Variants in CNTNAP2 observed in about 807,000 individuals in gnomAD.
CNTNAP2 encodes contactin associated protein 2.
In CNTNAP2, 98 loss-of-function variants were observed where a neutral mutation model predicts 155.2. The observed-to-expected ratio is 0.63, with a 90% confidence interval of 0.54 to 0.75. The LOEUF (loss-of-function observed/expected upper bound fraction) is 0.75. Among genes scored for constraint, CNTNAP2 ranks in the 30% least tolerant of loss-of-function variants. The pLI is 0.00. For synonymous variants in CNTNAP2, 651 were observed against 631.2 expected (o/e 1.03, Z -0.47); for missense variants, 1,727 against 1,688.1 (o/e 1.02, Z -0.40).
intron 3 of CNTNAP2, among the ~76,000 whole-genome samples, chr7:146,895,482 T>TA (rs1420524215): frequency 6.6e-6 from 1 of 152,080 alleles, no homozygotes; most frequent in Non-Finnish European, 1.5e-5. Context: ...TGTGTGTGAG[T>TA]ACAATAAAAT....
intron 1 of CNTNAP2, among the ~76,000 whole-genome samples, chr7:146,385,688 G>C (rs1443171054): frequency 2.0e-5 from 3 of 152,170 alleles, no homozygotes; most frequent in Non-Finnish European, 4.4e-5. Flanking sequence ...AATGGCTGGA[G>C]ATTGACTGAT....
At chr7:146,799,466 G>A (rs764224152) in intron 2 of CNTNAP2, among the ~76,000 whole-genome samples, 1 of 152,136 alleles carries the variant, frequency 6.6e-6, no homozygotes, top group Non-Finnish European at 1.5e-5. Context: ...ATTTTCATCT[G>A]CAGTTTCTTT....
intron 3 of CNTNAP2, among the ~76,000 whole-genome samples, chr7:146,970,632 C>G (rs1360934834): frequency 6.6e-6 from 1 of 151,928 alleles, no homozygotes; most frequent in Admixed American, 6.6e-5. Flanking sequence ...ACTAGTTCAA[C>G]CATTGTGGAA....
At chr7:147,386,239 C>T (rs1040658728) in intron 9 of CNTNAP2, among the ~76,000 whole-genome samples, 1 of 152,116 alleles carries the variant, frequency 6.6e-6, no homozygotes, top group Non-Finnish European at 1.5e-5. Context: ...TTCTGACATG[C>T]CCTGGAGACA....
At chr7:148,130,207 C>G (rs1368208762) in intron 16 of CNTNAP2, among the ~76,000 whole-genome samples, 3 of 152,212 alleles carry the variant, frequency 2.0e-5, no homozygotes, top group Non-Finnish European at 4.4e-5. Context: ...ACTAACCTCC[C>G]CATAGGGGAT....
At chr7:148,099,085 T>G (rs1220599588) in intron 15 of CNTNAP2, among the ~76,000 whole-genome samples, 1 of 152,196 alleles carries the variant, frequency 6.6e-6, no homozygotes, top group Non-Finnish European at 1.5e-5. Flanking sequence ...TTCTTTTGTG[T>G]GTGGAAAGAG....
intron 1 of CNTNAP2, among the ~76,000 whole-genome samples, chr7:146,373,175 C>G (rs759323273): frequency 6.6e-6 from 1 of 152,168 alleles, no homozygotes; most frequent in Admixed American, 6.5e-5. Context: ...TAACTGCAGA[C>G]ATTTGGGGAT....
At chr7:146,866,722 T>C (rs1343666468) in intron 3 of CNTNAP2, among the ~76,000 whole-genome samples, 2 of 152,250 alleles carry the variant, frequency 1.3e-5, no homozygotes, top group African/African-American at 4.8e-5. Context: ...CTTTCTTAAA[T>C]ATGTCTTGAA....
chr7:148,252,141 C>T (rs1189604333), intron 20 of CNTNAP2, among the ~76,000 whole-genome samples: 2 of 152,162 alleles, frequency 1.3e-5, no homozygotes, highest in African/African-American at 4.8e-5. Flanking sequence ...CAGTTTCTTC[C>T]TACATTTAGG....
intron 21 of CNTNAP2, among the ~76,000 whole-genome samples, chr7:148,289,717 C>T (rs1797156988): frequency 6.6e-6 from 1 of 152,182 alleles, no homozygotes; most frequent in African/African-American, 2.4e-5. Flanking sequence ...CTTCCACAGG[C>T]CAGCTCTCTT....
chr7:146,304,642 G>A (rs1317416114), intron 1 of CNTNAP2, among the ~76,000 whole-genome samples: 1 of 152,164 alleles, frequency 6.6e-6, no homozygotes, highest in Admixed American at 6.5e-5. Flanking sequence ...GAGATCTGCT[G>A]TTAGTCTCAT....
At chr7:147,301,032 A>C (rs560462045) in intron 9 of CNTNAP2, among the ~76,000 whole-genome samples, 2 of 152,236 alleles carry the variant, frequency 1.3e-5, no homozygotes, top group African/African-American at 4.8e-5. Flanking sequence ...ATTATTTTCA[A>C]CCTGTGGGAA....
At chr7:146,623,600 C>T (rs942179452) in intron 1 of CNTNAP2, among the ~76,000 whole-genome samples, 2 of 152,232 alleles carry the variant, frequency 1.3e-5, no homozygotes, top group Non-Finnish European at 2.9e-5. Flanking sequence ...TGGCTTTTAG[C>T]TTATATTTTT....
chr7:147,720,179 G>A (rs1385213776), intron 13 of CNTNAP2, among the ~76,000 whole-genome samples: 1 of 152,064 alleles, frequency 6.6e-6, no homozygotes, highest in Non-Finnish European at 1.5e-5. Flanking sequence ...GTATGCTAAT[G>A]ACTCTTAATT....
At chr7:147,819,028 C>T (rs1163420407) in intron 13 of CNTNAP2, among the ~76,000 whole-genome samples, 1 of 152,148 alleles carries the variant, frequency 6.6e-6, no homozygotes, top group African/African-American at 2.4e-5. Context: ...GCATTTCTCA[C>T]TCTGTTCTAC....
chr7:147,991,218 G>A (rs963239068), intron 15 of CNTNAP2, among the ~76,000 whole-genome samples: 2 of 152,134 alleles, frequency 1.3e-5, no homozygotes, highest in Non-Finnish European at 2.9e-5. Context: ...AACAGTAGAC[G>A]GGAATCTCAG....
At chr7:146,728,183 C>T (rs1037071922) in intron 1 of CNTNAP2, among the ~76,000 whole-genome samples, 2 of 151,786 alleles carry the variant, frequency 1.3e-5, no homozygotes, top group South Asian at 2.1e-4. Flanking sequence ...AGTTGTGTGG[C>T]GTGATGTTTC....
At chr7:147,462,754 G>A (rs1329278516) in intron 10 of CNTNAP2, among the ~76,000 whole-genome samples, 1 of 152,248 alleles carries the variant, frequency 6.6e-6, no homozygotes, top group African/African-American at 2.4e-5. Flanking sequence ...ACAATATTGT[G>A]TAATCAATGG....
intron 15 of CNTNAP2, among the ~76,000 whole-genome samples, chr7:147,997,776 G>A (rs1801831309): frequency 6.6e-6 from 1 of 152,128 alleles, no homozygotes; most frequent in African/African-American, 2.4e-5. Context: ...TTCCTAAGGA[G>A]GTGAAAAGAG....
Sources: allele counts gnomAD v4.1 joint callset (sites outside exome capture counted in the v4.1 genomes callset), GRCh38; gene constraint gnomAD v4.1.1; transcripts MANE v1.5; gene names NCBI Gene and HGNC (gene_info 2026-07-23, HGNC 2026-07-21).